Variants in WDFY4 observed in about 807,000 individuals in gnomAD.
The protein encoded by WDFY4 is WD repeat- and FYVE domain-containing protein 4.
WDFY4 carries 169 observed loss-of-function variants against 351.9 expected under a neutral mutation model. The ratio of observed to expected loss-of-function variants is 0.48; its 90% CI spans 0.42 to 0.55. The LOEUF (loss-of-function observed/expected upper bound fraction) is 0.55, where lower values mean the gene tolerates loss of function less well. WDFY4 is among the 20% of genes least tolerant of loss of function. The pLI is 0.00. For synonymous variants in WDFY4, 1,622 were observed against 1,574.6 expected, an observed-to-expected ratio of 1.03 and a Z score of -0.71; for missense variants, 3,803 against 3,935.6, an observed-to-expected ratio of 0.97 and a Z score of 0.90.
At position 48,966,569 on chromosome 10, in the gene WDFY4, C is replaced by T. The variant is rs1842092485; in HGVS notation, c.8480C>T (p.Pro2827Leu). ...PHPARTAAGK[P>L]LPGKDVSTPV... ...CCAGCCAGGACTGCAGCAGGGAAGC[C>T]TCTGCCTGGAAAGGATGTCTCCACC... Residue 2827 changes from proline (P) to leucine (L), a missense_variant, in exon 55 of 62, where the codon CCT becomes CTT. Transcript: ENST00000325239. 2.2e-5 allele frequency: 34 copies of T among 1,552,052 alleles called. No homozygotes were observed. The highest frequency in any genetic ancestry group is 2.8e-5 in the Non-Finnish European group (32 of 1,147,090).
At chr10:48,952,179 C>T (rs541109215) in intron 51 of WDFY4, among the ~76,000 whole-genome samples, 325 of 152,040 alleles carry the variant, frequency 2.1e-3, no homozygotes, top group African/African-American at 5.5e-3. Context: ...GAACCTGGAG[C>T]GTCTGTGTCT....
rs1331591364 is a variant in WDFY4, at chr10:48,901,864, G to A, written c.7586+1G>A. 6.4e-7 allele frequency: 1 copy of A among 1,551,286 alleles called. No homozygotes were observed. Among genetic ancestry groups the A allele is most frequent in the African/African-American group, 1.4e-5 (1 of 73,058 alleles). ...CCTCGGAGGACACCCTCAGTCTAAG[G>A]TAATGGCGGGTAGCCATGCTGTCTG... On this transcript the variant is annotated splice_donor_variant, in intron 47 of 61. Transcript: ENST00000325239. LOFTEE classifies it high-confidence loss of function.
At chr10:48,856,166 A>G (rs908312913) in intron 39 of WDFY4, among the ~76,000 whole-genome samples, 2 of 152,102 alleles carry the variant, frequency 1.3e-5, no homozygotes, top group African/African-American at 4.8e-5. Flanking sequence ...TCTTTGTTCA[A>G]TCTGTTGTAG....
chr10:48,692,431 ACTTC>A (rs1270649690), intron 1 of WDFY4, among the ~76,000 whole-genome samples: 1 of 152,184 alleles, frequency 6.6e-6, no homozygotes, highest in Non-Finnish European at 1.5e-5. Context: ...TCCACAAAAC[ACTTC>A]CTTCCTCACA....
chr10:48,829,782 GA>G (rs1259585074), intron 37 of WDFY4, among the ~76,000 whole-genome samples: 5 of 152,150 alleles, frequency 3.3e-5, no homozygotes, highest in African/African-American at 7.2e-5. Flanking sequence ...AACCTGGGAG[GA>G]GGAGGTTGCA....
intron 44 of WDFY4, among the ~76,000 whole-genome samples, chr10:48,891,002 C>T (rs1442405937): frequency 1.6e-4 from 25 of 152,180 alleles, no homozygotes; most frequent in Admixed American, 1.2e-3. Flanking sequence ...TTCAATTATT[C>T]GCATGGCTGA....
intron 47 of WDFY4, among the ~76,000 whole-genome samples, chr10:48,905,767 A>G (rs1425305797): frequency 6.6e-6 from 1 of 152,244 alleles, no homozygotes; most frequent in African/African-American, 2.4e-5. Context: ...AGACTGTGCT[A>G]AATAAACAGC....
Position 48,805,437 on chromosome 10 carries a change from G to A in WDFY4, c.4646+16G>A. On this transcript the variant is annotated intron_variant, in intron 26 of 61. Coordinates refer to ENST00000325239, the MANE Select transcript of WDFY4 (RefSeq NM_001394531.1). ...ACTTGCTCAGGTACCACACCAAGCT[G>A]CCCAGGGGGAAGAGCAGGGCCCCAG... 6.5e-7 allele frequency: 1 copy of A among 1,546,026 alleles called. No individual in the cohort carries two copies.
intron 44 of WDFY4, among the ~76,000 whole-genome samples, chr10:48,894,512 T>G (rs1415772072): frequency 6.6e-6 from 1 of 152,186 alleles, no homozygotes; most frequent in Non-Finnish European, 1.5e-5. Flanking sequence ...GATATGGGAA[T>G]AAAAATAAGT....
intron 34 of WDFY4, among the ~76,000 whole-genome samples, chr10:48,822,012 A>G (rs770152824): frequency 1.1e-4 from 17 of 152,174 alleles, no homozygotes; most frequent in Non-Finnish European, 2.1e-4. Flanking sequence ...GCATAGATGG[A>G]TAATGACAGT....
rs531186764 is a variant in WDFY4 at position 48,974,988 on chromosome 10, C to T, written c.9055C>T (p.Arg3019Cys). 4.5e-6 allele frequency: 7 copies of T among 1,551,682 alleles called. No individual in the cohort carries two copies. In the African/African-American group the frequency reaches 5.5e-5, roughly 12 times the overall value. Residue 3019 changes from arginine (R) to cysteine (C), a missense_variant, in exon 58 of 62, where the codon CGC becomes TGC. Arg to Cys is a radical substitution (Grantham distance 180). This residue lies in a region of WDFY4 where 3,054 missense variants were observed against 3,148.6 expected (regional missense o/e 0.97). Coordinates refer to ENST00000325239, the MANE Select transcript of WDFY4 (RefSeq NM_001394531.1). ...WDLDHLTHVTRLPAHREGISA... is the reference protein window; with the variant it reads ...WDLDHLTHVTCLPAHREGISA... Reference sequence around the variant, plus strand: ...TCTGGACCACCTCACCCACGTGACCCGCCTGCCCGCCCATCGGGAAGGCAT... The same window carrying T: ...TCTGGACCACCTCACCCACGTGACCTGCCTGCCCGCCCATCGGGAAGGCAT...
intron 44 of WDFY4, among the ~76,000 whole-genome samples, chr10:48,896,494 A>G (rs1837083599): frequency 6.6e-6 from 1 of 152,128 alleles, no homozygotes; most frequent in South Asian, 2.1e-4. Flanking sequence ...ACATCACTCT[A>G]CAGTCTCAGT....
rs552618134 is a variant in WDFY4, at chr10:48,692,618, A to C, written c.-18+7617A>C. ...CGTATTCATGAATAACAATGACATT[A>C]AGGAGGAACGGGATGGGAGCCGCAG... On this transcript the variant is annotated intron_variant, in intron 1 of 61. Transcript: ENST00000325239. 2.6e-5 allele frequency among the ~76,000 whole-genome samples: 4 copies of C among 152,334 alleles called. No individual in the cohort carries two copies. In the South Asian group the frequency reaches 8.3e-4, roughly 32 times the overall value.
chr10:48,839,284 T>A (rs984860324), intron 39 of WDFY4, among the ~76,000 whole-genome samples: 2 of 152,264 alleles, frequency 1.3e-5, no homozygotes, highest in African/African-American at 4.8e-5. Flanking sequence ...AGAGAAATTC[T>A]TCTGAAAAAG....
At chr10:48,764,185 C>A (rs887640719) in intron 13 of WDFY4, among the ~76,000 whole-genome samples, 1 of 152,238 alleles carries the variant, frequency 6.6e-6, no homozygotes, top group African/African-American at 2.4e-5. Flanking sequence ...TTGGAGGCCA[C>A]AACTTAACCT....
At chr10:48,860,704 A>G (rs1326109246) in intron 39 of WDFY4, among the ~76,000 whole-genome samples, 1 of 152,234 alleles carries the variant, frequency 6.6e-6, no homozygotes, top group African/African-American at 2.4e-5. Flanking sequence ...TACATAAAAC[A>G]AATTTTGATA....
Position 48,788,675 on chromosome 10 carries a change from G to A in WDFY4, c.3954G>A (p.Glu1318=). ...TGGACAGCCGCCTGATCGCCAAAGAGGTACATCTTCTAACTTCGCTGCTAA... is the reference window on the plus strand; with the variant it reads ...TGGACAGCCGCCTGATCGCCAAAGAAGTACATCTTCTAACTTCGCTGCTAA... The part of the protein sequence containing the change: ...NEVDSRLIAK[E]MNISSRDNAM... The change falls in exon 21 of 62, where the codon GAG becomes GAA. Residue 1318 remains glutamate, a splice_region_variant and synonymous_variant. Coordinates refer to ENST00000325239, the MANE Select transcript of WDFY4 (RefSeq NM_001394531.1). 1 of 1,551,490 alleles carries A rather than the reference G, an allele frequency of 6.4e-7. No individual in the cohort carries two copies. Among genetic ancestry groups the A allele is most frequent in the Non-Finnish European group, 8.7e-7 (1 of 1,146,854 alleles).
chr10:48,787,752 G>A (rs1338566633), intron 20 of WDFY4, among the ~76,000 whole-genome samples: 2 of 150,958 alleles, frequency 1.3e-5, no homozygotes, highest in Non-Finnish European at 2.9e-5. Context: ...CAAATCTTGG[G>A]AGAGTTCGCC....
chr10:48,889,279 T>C (rs534429807), intron 43 of WDFY4, among the ~76,000 whole-genome samples: 9 of 152,200 alleles, frequency 5.9e-5, no homozygotes, highest in Non-Finnish European at 1.3e-4. Context: ...TTAATACTTA[T>C]CTTGGAACAA....
Sources: gnomAD v4.1 joint callset for allele counts (sites outside exome capture counted in the v4.1 genomes callset) on GRCh38, gnomAD v4.1.1 for gene constraint, gnomAD v4.1.1 regional missense constraint, MANE v1.5 for transcripts, NCBI Gene and HGNC (gene_info 2026-07-23, HGNC 2026-07-21) for gene names.